Variants in SUPT3H observed in about 807,000 individuals in gnomAD.
SUPT3H encodes transcription initiation protein SPT3 homolog.
In SUPT3H, 44 loss-of-function variants were observed where a neutral mutation model predicts 44.3. That is an observed-to-expected ratio of 0.99 (90% CI 0.78 to 1.28). The LOEUF (loss-of-function observed/expected upper bound fraction) is 1.28, where lower values mean the gene tolerates loss of function less well. Among genes scored for constraint, SUPT3H ranks in the 50% most tolerant of loss-of-function variants. The probability of loss-of-function intolerance (pLI) is 0.00; values close to 1 mark genes in which losing one functional copy is unlikely to be tolerated. For synonymous variants in SUPT3H, 124 were observed against 125.6 expected, an observed-to-expected ratio of 0.99 and a Z score of 0.09; for missense variants, 380 against 387.1, an observed-to-expected ratio of 0.98 and a Z score of 0.15.
chr6:45,333,039 T>C (rs774017734), intron 2 of SUPT3H, among the ~76,000 whole-genome samples: 32 of 151,766 alleles, frequency 2.1e-4, no homozygotes, highest in Non-Finnish European at 3.4e-4. Flanking sequence ...CTTGGTATTT[T>C]CTAAATAATA....
Position 45,018,142 on chromosome 6 carries a change from CTGTT to C in SUPT3H, c.273+2400_273+2403del, listed in dbSNP as rs1437749252. On this transcript the variant is annotated intron_variant, in intron 4 of 10. Coordinates refer to ENST00000371459, the MANE Select transcript of SUPT3H (RefSeq NM_003599.4). Reference sequence around the variant, plus strand: ...GGGAGTTCACTCATGAGTTGGCTCTCTGTTTGTCTGTTATTGGTGTATAAGAATG... The same window carrying C: ...GGGAGTTCACTCATGAGTTGGCTCTCTGTCTGTTATTGGTGTATAAGAATG... Among the ~76,000 whole-genome samples, 17 of 151,860 alleles carry C rather than the reference CTGTT, an allele frequency of 1.1e-4. No homozygotes were observed. In the South Asian group the frequency reaches 2.3e-3, roughly 20 times the overall value.
chr6:45,190,605 A>C (rs112854305), intron 2 of SUPT3H, among the ~76,000 whole-genome samples: 1 of 152,170 alleles, frequency 6.6e-6, no homozygotes, highest in Non-Finnish European at 1.5e-5. Context: ...GAAAACGTAG[A>C]TAGTTTATAA....
At chr6:45,162,036 A>AC (rs976697555) in intron 2 of SUPT3H, among the ~76,000 whole-genome samples, 3 of 151,652 alleles carry the variant, frequency 2.0e-5, no homozygotes, top group African/African-American at 2.4e-5. Flanking sequence ...CATGTTTAAA[A>AC]AAAAACAAAA....
intron 2 of SUPT3H, among the ~76,000 whole-genome samples, chr6:45,335,862 G>A (rs543065121): frequency 2.7e-4 from 41 of 151,156 alleles, no homozygotes; most frequent in African/African-American, 8.4e-4. Flanking sequence ...AAAGCATTTC[G>A]GTAATTCAGC....
At chr6:44,986,218 A>G (rs1779770970) in intron 6 of SUPT3H, among the ~76,000 whole-genome samples, 1 of 152,180 alleles carries the variant, frequency 6.6e-6, no homozygotes, top group Admixed American at 6.5e-5. Flanking sequence ...CCTTTTCCAG[A>G]TAGTGCATGC....
chr6:45,130,413 T>A (rs1803248736), intron 2 of SUPT3H, among the ~76,000 whole-genome samples: 1 of 152,154 alleles, frequency 6.6e-6, no homozygotes, highest in Admixed American at 6.5e-5. Flanking sequence ...ATTTTACTTA[T>A]AATAAAATTC....
intron 2 of SUPT3H, among the ~76,000 whole-genome samples, chr6:45,141,718 G>A (rs1389553790): frequency 6.6e-6 from 1 of 152,152 alleles, no homozygotes; most frequent in Non-Finnish European, 1.5e-5. Flanking sequence ...CAAGTCGTGA[G>A]ATTAAAACAG....
At chr6:45,267,624 G>A (rs754571237) in intron 2 of SUPT3H, among the ~76,000 whole-genome samples, 19 of 152,206 alleles carry the variant, frequency 1.2e-4, no homozygotes, top group Non-Finnish European at 2.1e-4. Flanking sequence ...CTCACACTAC[G>A]ATAGATTACA....
At chr6:45,040,495 C>T (rs1230967723) in intron 3 of SUPT3H, among the ~76,000 whole-genome samples, 13 of 152,132 alleles carry the variant, frequency 8.5e-5, no homozygotes, top group Admixed American at 5.9e-4. Context: ...AGACAGCATT[C>T]GGAAATGTTG....
At chr6:44,859,867 T>G (rs1227739631) in intron 10 of SUPT3H, among the ~76,000 whole-genome samples, 1 of 152,200 alleles carries the variant, frequency 6.6e-6, no homozygotes. Context: ...ATGTCATTGT[T>G]TGTTATATCA....
At chr6:45,318,325 G>A (rs368196793) in intron 2 of SUPT3H, among the ~76,000 whole-genome samples, 3 of 152,076 alleles carry the variant, frequency 2.0e-5, no homozygotes, top group African/African-American at 4.8e-5. Flanking sequence ...GGATGACACC[G>A]TAATTTTGGA....
intron 2 of SUPT3H, among the ~76,000 whole-genome samples, chr6:45,178,434 A>G (rs1420311848): frequency 6.6e-6 from 1 of 152,048 alleles, no homozygotes; most frequent in African/African-American, 2.4e-5. Context: ...AGTGACCTAC[A>G]AAGAGACTTA....
At position 44,926,880 on chromosome 6, in the gene SUPT3H, T is replaced by C. The variant is rs56907075; in HGVS notation, c.912+5773A>G. On this transcript the variant is annotated intron_variant, in intron 10 of 10. Transcript: ENST00000371459. Reference sequence around the variant, plus strand: ...TAAAACTGATAATATTCAACGCTGATTTGAGTTTATACTCTCATATACCAC... The same window carrying C: ...TAAAACTGATAATATTCAACGCTGACTTGAGTTTATACTCTCATATACCAC... Among the ~76,000 whole-genome samples, 1,326 of 152,294 alleles carry C rather than the reference T, an allele frequency of 8.7e-3. 24 individuals carry two copies. Among genetic ancestry groups the C allele is most frequent in the African/African-American group, 0.03 (1,249 of 41,574 alleles).
chr6:44,923,020 A>T (rs1768971865), intron 10 of SUPT3H, among the ~76,000 whole-genome samples: 1 of 152,100 alleles, frequency 6.6e-6, no homozygotes, highest in African/African-American at 2.4e-5. Context: ...AAACCCAGAA[A>T]CTGTAACAAC....
Position 45,135,262 on chromosome 6 carries a change from T to A in SUPT3H, c.102-29256A>T, listed in dbSNP as rs748450710. Reference sequence around the variant, plus strand: ...CCTTTGGGGTCATCTTCCCATTGTTTTAACGAATAGTAACTGGCTCCCTTC... The same window carrying A: ...CCTTTGGGGTCATCTTCCCATTGTTATAACGAATAGTAACTGGCTCCCTTC... On this transcript the variant is annotated intron_variant, in intron 2 of 10. Coordinates refer to ENST00000371459, the MANE Select transcript of SUPT3H (RefSeq NM_003599.4). 5.5e-4 allele frequency among the ~76,000 whole-genome samples: 84 copies of A among 152,228 alleles called. 1 individual carries two copies. Among genetic ancestry groups the A allele is most frequent in the Non-Finnish European group, 1.0e-3 (71 of 68,026 alleles).
chr6:45,328,198 G>T, intron 2 of SUPT3H: 1 of 1,084,372 alleles, frequency 9.2e-7, no homozygotes, highest in Non-Finnish European at 1.2e-6. Flanking sequence ...AAAAGCCACA[G>T]TGGTAGGCAG....
At chr6:44,849,204 G>A (rs1772413326) in intron 10 of SUPT3H, among the ~76,000 whole-genome samples, 1 of 147,496 alleles carries the variant, frequency 6.8e-6, no homozygotes. Flanking sequence ...GTAGATATAA[G>A]CACTACAAAT....
intron 2 of SUPT3H, among the ~76,000 whole-genome samples, chr6:45,263,868 A>C (rs768572956): frequency 2.0e-5 from 3 of 152,194 alleles, no homozygotes; most frequent in Non-Finnish European, 4.4e-5. Flanking sequence ...TGTATATTAT[A>C]GTCCATTTTC....
At chr6:45,152,769 G>T (rs989807125) in intron 2 of SUPT3H, among the ~76,000 whole-genome samples, 1 of 152,102 alleles carries the variant, frequency 6.6e-6, no homozygotes, top group African/African-American at 2.4e-5. Context: ...TGGGATTACA[G>T]GCATGAGCCA....
Sources: gnomAD v4.1 joint callset for allele counts (sites outside exome capture counted in the v4.1 genomes callset) on GRCh38, gnomAD v4.1.1 for gene constraint, MANE v1.5 for transcripts, NCBI Gene and HGNC (gene_info 2026-07-23, HGNC 2026-07-21) for gene names.